CLIC4: variants seen among roughly 807,000 people sequenced by gnomAD.
The protein encoded by CLIC4 is chloride intracellular channel protein 4.
Under a neutral mutation model 24.6 loss-of-function variants are expected in CLIC4, and 13 were observed. That is an observed-to-expected ratio of 0.53 (90% CI 0.34 to 0.84). CLIC4 has a LOEUF of 0.84. Ranked by LOEUF, CLIC4 falls within the 40% of genes least tolerant of loss-of-function variation. CLIC4 has a pLI of 0.01. For missense variants in CLIC4, 227 were observed against 301.7 expected, an observed-to-expected ratio of 0.75 and a Z score of 1.83; for synonymous variants, 104 against 111.3, an observed-to-expected ratio of 0.93 and a Z score of 0.41.
chr1:24,747,473 G>A (rs1638714699), intron 1 of CLIC4, among the ~76,000 whole-genome samples: 1 of 147,912 alleles, frequency 6.8e-6, no homozygotes, highest in Admixed American at 6.9e-5. Flanking sequence ...GGCAGAGGTT[G>A]TGGTGTGCGG....
At chr1:24,797,912 A>G (rs1200805716) in intron 2 of CLIC4, 61 bp downstream of exon 2, 17 of 1,131,350 alleles carry the variant, frequency 1.5e-5, no homozygotes, top group Middle Eastern at 2.0e-4. Flanking sequence ...GTTTGATCCT[A>G]TTTTCACCTT....
chr1:24,800,784 T>G (rs562199459), intron 2 of CLIC4, among the ~76,000 whole-genome samples: 3 of 152,320 alleles, frequency 2.0e-5, no homozygotes, highest in Admixed American at 6.5e-5. Flanking sequence ...CTGTGCTCTC[T>G]GAAACGTGTG....
At chr1:24,759,471 CT>C (rs932807955) in intron 1 of CLIC4, among the ~76,000 whole-genome samples, 1,629 of 142,700 alleles carry the variant, frequency 0.011, 13 homozygotes, top group Non-Finnish European at 0.014. Flanking sequence ...CAATACGTGA[CT>C]TTTTTTTTTT....
Position 24,841,117 on chromosome 1 carries a change from T to C in CLIC4, c.*180T>C. 1 of 420,862 alleles carries C rather than the reference T, an allele frequency of 2.4e-6. No individual in the cohort carries two copies. The highest frequency in any genetic ancestry group is 4.0e-6 in the Non-Finnish European group (1 of 247,464). 26.1% of individuals were successfully genotyped at this position (420,862 alleles called of 1,614,324 possible). A position where few individuals can be genotyped will look rare whatever the true frequency, so the allele number is the denominator to read the frequency against. On this transcript the variant is annotated 3_prime_UTR_variant, in exon 6 of 6. Transcript: ENST00000374379. ...TTAAAATATACACTCCTAAGCAGTA[T>C]TATTTTAAAATCCTTTACCCTGGCT...
intron 2 of CLIC4, among the ~76,000 whole-genome samples, chr1:24,802,569 T>A (rs1639502833): frequency 2.0e-5 from 3 of 152,140 alleles, no homozygotes. Context: ...AAATGCTTCT[T>A]AGGGCAACTA....
At chr1:24,818,866 A>T (rs1216154490) in intron 3 of CLIC4, among the ~76,000 whole-genome samples, 3 of 151,954 alleles carry the variant, frequency 2.0e-5, no homozygotes, top group Non-Finnish European at 4.4e-5. Flanking sequence ...AGTGACAGGT[A>T]TTCCAGAGCA....
At chr1:24,820,432 TA>T (rs1171251821) in intron 3 of CLIC4, among the ~76,000 whole-genome samples, 2 of 151,340 alleles carry the variant, frequency 1.3e-5, no homozygotes, top group African/African-American at 4.9e-5. Context: ...CAGCTAAGTT[TA>T]AAAAAATTTT....
intron 4 of CLIC4, among the ~76,000 whole-genome samples, chr1:24,831,242 T>G (rs1313465288): frequency 6.6e-6 from 1 of 152,188 alleles, no homozygotes; most frequent in Non-Finnish European, 1.5e-5. Flanking sequence ...AAAATTTATT[T>G]AAATGAGACA....
intron 2 of CLIC4, 98 bp downstream of exon 2, chr1:24,797,949 A>G (rs978512833): frequency 2.4e-6 from 2 of 818,274 alleles, no homozygotes; most frequent in African/African-American, 3.5e-5. Flanking sequence ...TAAAGGAAAT[A>G]TATTGTATTA....
chr1:24,759,091 T>C (rs1007752314), intron 1 of CLIC4, among the ~76,000 whole-genome samples: 6 of 152,228 alleles, frequency 3.9e-5, no homozygotes, highest in African/African-American at 1.2e-4. Context: ...TGGATATTGA[T>C]TAAATGGTTT....
intron 1 of CLIC4, among the ~76,000 whole-genome samples, chr1:24,751,611 C>A (rs756434649): frequency 3.3e-5 from 5 of 152,086 alleles, no homozygotes; most frequent in Non-Finnish European, 5.9e-5. Flanking sequence ...TTGGGTAAAA[C>A]TAAATATTAA....
intron 2 of CLIC4, among the ~76,000 whole-genome samples, chr1:24,799,233 A>G (rs1395833911): frequency 6.9e-6 from 1 of 144,968 alleles, no homozygotes; most frequent in Non-Finnish European, 1.5e-5. Context: ...CATCACATCT[A>G]GGAAGTGAGG....
At chr1:24,830,074 G>T (rs1031215638) in intron 4 of CLIC4, among the ~76,000 whole-genome samples, 1 of 152,046 alleles carries the variant, frequency 6.6e-6, no homozygotes, top group African/African-American at 2.4e-5. Flanking sequence ...TTCAATAACC[G>T]AAGTGCTCTT....
chr1:24,805,773 C>T (rs1244848675), intron 2 of CLIC4, among the ~76,000 whole-genome samples: 2 of 152,174 alleles, frequency 1.3e-5, no homozygotes, highest in East Asian at 3.8e-4. Flanking sequence ...AGCCCAGCTT[C>T]CTCCAATTGT....
At chr1:24,754,502 T>C (rs1242684511) in intron 1 of CLIC4, among the ~76,000 whole-genome samples, 2 of 152,124 alleles carry the variant, frequency 1.3e-5, no homozygotes, top group Non-Finnish European at 2.9e-5. Context: ...GGAAGTGTGA[T>C]TAAGGCATGA....
intron 4 of CLIC4, 88 bp downstream of exon 4, chr1:24,827,204 C>G: frequency 1.3e-6 from 1 of 764,588 alleles, no homozygotes; most frequent in Non-Finnish European, 2.2e-6. Context: ...TAAATGAGTA[C>G]TTTAGAGTCC....
chr1:24,806,795 C>T lies in CLIC4; in HGVS notation c.183-7299C>T, dbSNP rs1246504052. ...GGCTTTCATTTGCATACTTTTAGTT[C>T]ACTTTCACGTGCCTTATTTGATTTA... is the stretch of plus-strand genomic sequence containing the variant. On this transcript the variant is annotated intron_variant, in intron 2 of 5. Transcript: ENST00000374379. 2.6e-5 allele frequency among the ~76,000 whole-genome samples: 4 copies of T among 152,188 alleles called. No homozygotes were observed. In the South Asian group the frequency reaches 8.3e-4, roughly 32 times the overall value.
In CLIC4 at chr1:24,820,067, G is replaced by GTATATATA. The variant is rs751126014; in HGVS notation, c.308+5852_308+5859dup. On this transcript the variant is annotated intron_variant, in intron 3 of 5. Coordinates refer to ENST00000374379, the MANE Select transcript of CLIC4 (RefSeq NM_013943.3). The stretch of plus-strand genomic sequence containing the variant: ...TACTTCAAAAAAAAAAAAAAAGTAT[G>GTATATATA]TATATATATATGTATATATATATAT... Among the ~76,000 whole-genome samples the GTATATATA allele has an allele frequency of 2.2e-3, 79 of 36,482 alleles. 3 individuals are homozygous for GTATATATA. Among genetic ancestry groups the GTATATATA allele is most frequent in the African/African-American group, 6.4e-3 (72 of 11,252 alleles). 23.9% of individuals were successfully genotyped at this position (36,482 alleles called of 152,430 possible).
At chr1:24,756,455 T>C (rs907817685) in intron 1 of CLIC4, among the ~76,000 whole-genome samples, 23 of 152,192 alleles carry the variant, frequency 1.5e-4, no homozygotes, top group Non-Finnish European at 2.5e-4. Flanking sequence ...TGAAATAAAC[T>C]AGGAGTATGA....
Sources: gnomAD v4.1 joint callset for allele counts (sites outside exome capture counted in the v4.1 genomes callset) on GRCh38, gnomAD v4.1.1 for gene constraint, MANE v1.5 for transcripts, NCBI Gene and HGNC (gene_info 2026-07-23, HGNC 2026-07-21) for gene names.